RIMS2: variants seen among roughly 807,000 people sequenced by gnomAD.
The protein encoded by RIMS2 is regulating synaptic membrane exocytosis 2.
A neutral mutation model predicts 174.4 loss-of-function variants in RIMS2; 59 were observed. The ratio of observed to expected loss-of-function variants is 0.34; its 90% confidence interval spans 0.27 to 0.42. RIMS2 has a LOEUF of 0.42. Among genes scored for constraint, RIMS2 ranks in the 10% least tolerant of loss-of-function variants. RIMS2 has a pLI of 1.00. For missense variants in RIMS2, 1,620 were observed against 1,666.3 expected (o/e 0.97, Z 0.48); for synonymous variants, 606 against 572.5 (o/e 1.06, Z -0.84).
chr8:103,802,753 A>G (rs2098621527), intron 3 of RIMS2, among the ~76,000 whole-genome samples: 1 of 152,220 alleles, frequency 6.6e-6, no homozygotes, highest in Non-Finnish European at 1.5e-5. Context: ...GGGAAAGAAG[A>G]GTGAGACTAA....
intron 15 of RIMS2, among the ~76,000 whole-genome samples, chr8:103,963,366 A>C (rs2090797148): frequency 6.6e-6 from 1 of 152,162 alleles, no homozygotes; most frequent in Non-Finnish European, 1.5e-5. Flanking sequence ...TTCCAATTGC[A>C]CATTGAATAA....
intron 2 of RIMS2, among the ~76,000 whole-genome samples, chr8:103,715,766 T>C (rs951497798): frequency 6.6e-6 from 1 of 152,186 alleles, no homozygotes; most frequent in Non-Finnish European, 1.5e-5. Context: ...ATTTTCTTTT[T>C]AGTTATATTA....
chr8:104,215,013 AC>A (rs1466845874), intron 19 of RIMS2, among the ~76,000 whole-genome samples: 1 of 151,906 alleles, frequency 6.6e-6, no homozygotes, highest in Admixed American at 6.6e-5. Context: ...CAGACCCCTC[AC>A]TCTTCTCTAC....
chr8:104,172,057 C>T (rs1320960022), intron 19 of RIMS2, among the ~76,000 whole-genome samples: 1 of 152,120 alleles, frequency 6.6e-6, no homozygotes, highest in Non-Finnish European at 1.5e-5. Context: ...CTCATTTTCT[C>T]ATGGTATATA....
chr8:103,728,567 G>A (rs184560272), intron 2 of RIMS2, among the ~76,000 whole-genome samples: 2 of 151,980 alleles, frequency 1.3e-5, no homozygotes, highest in East Asian at 3.9e-4. Flanking sequence ...CTGTGGGTCT[G>A]GCATACATGG....
At chr8:103,895,327 T>C (rs1376441299) in intron 4 of RIMS2, among the ~76,000 whole-genome samples, 1 of 151,634 alleles carries the variant, frequency 6.6e-6, no homozygotes, top group Non-Finnish European at 1.5e-5. Flanking sequence ...AGCAGATGTT[T>C]ATTTTTTACG....
intron 19 of RIMS2, among the ~76,000 whole-genome samples, chr8:104,178,568 C>T (rs1363643882): frequency 6.6e-6 from 1 of 152,136 alleles, no homozygotes; most frequent in East Asian, 1.9e-4. Flanking sequence ...ACACCATTAC[C>T]TAGTCTAGTG....
chr8:103,906,675 G>T (rs951807117), intron 4 of RIMS2, among the ~76,000 whole-genome samples: 2 of 152,128 alleles, frequency 1.3e-5, no homozygotes, highest in African/African-American at 4.8e-5. Flanking sequence ...AAGCACAGAG[G>T]GAGAAGAGAA....
intron 1 of RIMS2, among the ~76,000 whole-genome samples, chr8:103,549,303 G>A (rs1846534068): frequency 1.3e-5 from 2 of 152,148 alleles, no homozygotes; most frequent in Admixed American, 6.5e-5. Flanking sequence ...AGAAGAGAGT[G>A]GGGGCCAATA....
At chr8:103,610,766 T>C (rs934956140) in intron 1 of RIMS2, among the ~76,000 whole-genome samples, 1 of 152,162 alleles carries the variant, frequency 6.6e-6, no homozygotes. Context: ...TCTATGTACA[T>C]CAAAGATATT....
chr8:103,717,105 A>G (rs901571323), intron 2 of RIMS2, among the ~76,000 whole-genome samples: 4 of 145,848 alleles, frequency 2.7e-5, no homozygotes, highest in African/African-American at 1.0e-4. Context: ...CAAAGAGAAT[A>G]TCATTCAGCT....
chr8:103,960,942 T>C, intron 14 of RIMS2, 123 bp from the exon 17 acceptor site: 1 of 684,964 alleles, frequency 1.5e-6, no homozygotes, highest in Non-Finnish European at 2.6e-6. Flanking sequence ...ACTTTTCTTC[T>C]GTACATATTT....
At chr8:103,589,280 G>C (rs576202202) in intron 1 of RIMS2, among the ~76,000 whole-genome samples, 1 of 151,482 alleles carries the variant, frequency 6.6e-6, no homozygotes, top group Admixed American at 6.6e-5. Flanking sequence ...GTTTGAATAG[G>C]CACTTCTTGA....
chr8:103,577,588 T>A (rs1177664246), intron 1 of RIMS2, among the ~76,000 whole-genome samples: 1 of 152,230 alleles, frequency 6.6e-6, no homozygotes, highest in African/African-American at 2.4e-5. Flanking sequence ...TCTGTACATG[T>A]ATCCCAGAAC....
intron 1 of RIMS2, among the ~76,000 whole-genome samples, chr8:103,583,757 A>G (rs570337452): frequency 2.0e-5 from 3 of 152,320 alleles, no homozygotes; most frequent in African/African-American, 4.8e-5. Flanking sequence ...ACAATCAAGC[A>G]TACTTATAGG....
At chr8:103,826,006 T>C (rs1372610528) in intron 3 of RIMS2, among the ~76,000 whole-genome samples, 2 of 152,174 alleles carry the variant, frequency 1.3e-5, no homozygotes, top group Non-Finnish European at 2.9e-5. Flanking sequence ...TTTATTATAT[T>C]TGCCTCATGA....
intron 19 of RIMS2, among the ~76,000 whole-genome samples, chr8:104,187,973 TGA>T (rs1402166709): frequency 1.3e-5 from 2 of 151,786 alleles, no homozygotes; most frequent in African/African-American, 4.8e-5. Flanking sequence ...AAATTAATAG[TGA>T]GAGTCTCATG....
chr8:103,895,925 A>G lies in RIMS2; in HGVS notation c.1624+9702A>G, dbSNP rs566125235. ...TAGAAGTTGTGCTCAAATATCTTGA[A>G]TTTGAAAGCCTCCACCTTATGCCAT... On this transcript the variant is annotated intron_variant, in intron 4 of 23. Transcript: ENST00000504942. Among the ~76,000 whole-genome samples the G allele has an allele frequency of 6.7e-4, 102 of 151,584 alleles. 2 individuals carry two copies. The highest frequency in any genetic ancestry group is 2.4e-3 in the African/African-American group (99 of 41,022).
chr8:103,992,274 ATTTTTTTTT>A (rs1186537194), intron 17 of RIMS2, among the ~76,000 whole-genome samples: 3 of 107,072 alleles, frequency 2.8e-5, no homozygotes, highest in African/African-American at 7.6e-5. Context: ...ATGTCCAGCT[ATTTTTTTTT>A]TTTTTTTTTT....
Sources: gnomAD v4.1 joint callset for allele counts (sites outside exome capture counted in the v4.1 genomes callset) on GRCh38, gnomAD v4.1.1 for gene constraint, MANE v1.5 for transcripts, NCBI Gene and HGNC (gene_info 2026-07-23, HGNC 2026-07-21) for gene names.